Variants in BRINP1 observed in about 807,000 individuals in gnomAD.
BRINP1 encodes the protein BMP/retinoic acid-inducible neural-specific protein 1.
Under a neutral mutation model 72.9 loss-of-function variants are expected in BRINP1, and 17 were observed. The observed-to-expected ratio is 0.23, with a 90% CI of 0.16 to 0.35. The LOEUF is 0.35. Among genes scored for constraint, BRINP1 ranks in the 10% least tolerant of loss-of-function variants. The probability of loss-of-function intolerance (pLI) is 1.00; values close to 1 mark genes in which losing one functional copy is unlikely to be tolerated. For missense variants in BRINP1, 850 were observed against 1,001.6 expected (o/e 0.85, Z 2.04); for synonymous variants, 418 against 378.5 (o/e 1.10, Z -1.21).
intron 2 of BRINP1, among the ~76,000 whole-genome samples, chr9:119,255,513 G>A (rs182109774): frequency 4.5e-4 from 69 of 152,244 alleles, no homozygotes; most frequent in African/African-American, 1.4e-3. Context: ...TTATAAGTCC[G>A]AATCTTTCTT....
At chr9:119,243,098 C>A (rs1452390005) in intron 3 of BRINP1, among the ~76,000 whole-genome samples, 2 of 151,866 alleles carry the variant, frequency 1.3e-5, no homozygotes, top group Non-Finnish European at 2.9e-5. Context: ...GCAGGATGTG[C>A]AGTTTTGTTA....
chr9:119,238,527 T>A, intron 5 of BRINP1, 128 bp downstream of exon 5: 1 of 580,608 alleles, frequency 1.7e-6, no homozygotes. Context: ...ATTTGCAGTT[T>A]TCATTAGATT....
At chr9:119,352,417 G>T (rs754142095) in intron 1 of BRINP1, among the ~76,000 whole-genome samples, 1 of 152,046 alleles carries the variant, frequency 6.6e-6, no homozygotes, top group South Asian at 2.1e-4. Context: ...ATGATTCTAT[G>T]ATTTCTAAGA....
intron 2 of BRINP1, among the ~76,000 whole-genome samples, chr9:119,305,454 T>C (rs1830985917): frequency 1.3e-5 from 2 of 152,222 alleles, no homozygotes; most frequent in Non-Finnish European, 2.9e-5. Context: ...CTCTCCAACC[T>C]TATGCCCTAC....
chr9:119,181,469 T>A lies in BRINP1; in HGVS notation c.1146-13245A>T, dbSNP rs569080231. On this transcript the variant is annotated intron_variant, in intron 7 of 7. Transcript: ENST00000265922. The stretch of plus-strand genomic sequence containing the variant: ...ACCTGACCTCTTTGACCTTCAGTAT[T>A]CTTATCTGTCAAATGGGGAAGGTAA... Among the ~76,000 whole-genome samples, 149 of 152,326 alleles carry A rather than the reference T, an allele frequency of 9.8e-4. 2 individuals carry two copies. In the South Asian group the frequency reaches 0.028, roughly 29 times the overall value.
intron 7 of BRINP1, among the ~76,000 whole-genome samples, chr9:119,197,800 A>G (rs1829756134): frequency 6.6e-6 from 1 of 152,224 alleles, no homozygotes; most frequent in Non-Finnish European, 1.5e-5. Flanking sequence ...ATTTGCTATT[A>G]TTATATCTTC....
intron 7 of BRINP1, among the ~76,000 whole-genome samples, chr9:119,199,682 A>C (rs985306601): frequency 1.3e-5 from 2 of 152,210 alleles, no homozygotes; most frequent in Admixed American, 1.3e-4. Flanking sequence ...AAAAAAACCC[A>C]GGTGATAGCC....
intron 2 of BRINP1, among the ~76,000 whole-genome samples, chr9:119,259,123 G>C (rs1204645071): frequency 6.6e-6 from 1 of 152,170 alleles, no homozygotes; most frequent in Non-Finnish European, 1.5e-5. Context: ...CCTGGAAAGA[G>C]GATGCAAAAC....
chr9:119,311,189 T>C (rs549238282), intron 2 of BRINP1, among the ~76,000 whole-genome samples: 1 of 152,308 alleles, frequency 6.6e-6, no homozygotes, highest in African/African-American at 2.4e-5. Flanking sequence ...CTAAACATAG[T>C]GTTGAGTCTG....
chr9:119,258,999 G>A lies in BRINP1; in HGVS notation c.219-9849C>T, dbSNP rs567065100. Among the ~76,000 whole-genome samples the A allele has an allele frequency of 4.6e-5, 7 of 152,310 alleles. No individual in the cohort carries two copies. The East Asian group carries it at 1.4e-3, about 29-fold the overall frequency. ...TCTGCCCATTCTGGTGTCCCCATGT[G>A]AATGGGGGAAGTCATTGACTCTGGC... On this transcript the variant is annotated intron_variant, in intron 2 of 7. Coordinates refer to ENST00000265922, the MANE Select transcript of BRINP1 (RefSeq NM_014618.3).
At chr9:119,172,270 T>C (rs1268164528) in intron 7 of BRINP1, among the ~76,000 whole-genome samples, 6 of 151,858 alleles carry the variant, frequency 4.0e-5, no homozygotes, top group Admixed American at 2.6e-4. Flanking sequence ...AAGAATCAAA[T>C]AGACGCAATA....
intron 1 of BRINP1, among the ~76,000 whole-genome samples, chr9:119,341,129 C>T (rs1254086089): frequency 6.6e-6 from 1 of 152,112 alleles, no homozygotes; most frequent in Admixed American, 6.5e-5. Flanking sequence ...AACTGGATCT[C>T]TAAGTACATG....
At chr9:119,350,902 CT>C (rs796162745) in intron 1 of BRINP1, among the ~76,000 whole-genome samples, 748 of 141,848 alleles carry the variant, frequency 5.3e-3, no homozygotes, top group Non-Finnish European at 5.3e-3. Context: ...GTATTTATGT[CT>C]TTTTTTTTTT....
intron 4 of BRINP1, among the ~76,000 whole-genome samples, chr9:119,240,371 C>T (rs1164049588): frequency 6.6e-6 from 1 of 152,074 alleles, no homozygotes; most frequent in African/African-American, 2.4e-5. Context: ...AATCCAAGGG[C>T]CAAATTAAGT....
rs1829954539 is a variant in BRINP1, at chr9:119,214,032, G to C, written c.809C>G (p.Ala270Gly). Residue 270 changes from alanine to glycine, a missense_variant, in exon 6 of 8, where the codon GCC (alanine) becomes GGC (glycine). Physicochemically the swap from Ala to Gly is moderately conservative, Grantham distance 60. Coordinates refer to ENST00000265922, the MANE Select transcript of BRINP1 (RefSeq NM_014618.3). ...CQNSQCRCQC[A>G]EEFPQCNCPI... ...GCAGTTGCACTGCGGAAACTCCTCG[G>C]CACATTGGCAGCGACACTGGCTGTT... 2.5e-6 allele frequency: 4 copies of C among 1,613,936 alleles called. No homozygotes were observed. In the South Asian group the frequency reaches 3.3e-5, roughly 13 times the overall value.
intron 7 of BRINP1, among the ~76,000 whole-genome samples, chr9:119,195,448 G>A (rs1237646948): frequency 1.3e-5 from 2 of 152,160 alleles, no homozygotes; most frequent in African/African-American, 4.8e-5. Flanking sequence ...TTTGTAAACG[G>A]GGAGGCCGAC....
chr9:119,240,311 C>A (rs1830234477), intron 4 of BRINP1, among the ~76,000 whole-genome samples: 1 of 152,158 alleles, frequency 6.6e-6, no homozygotes, highest in East Asian at 1.9e-4. Context: ...AATAGTGAGA[C>A]AAGTTTTAGA....
chr9:119,209,906 G>C (rs76914396), intron 6 of BRINP1, among the ~76,000 whole-genome samples: 6,537 of 152,284 alleles, frequency 0.043, 464 homozygotes, highest in African/African-American at 0.15. Flanking sequence ...GTCCCATCTA[G>C]CATCAACTCA....
chr9:119,232,107 T>C (rs773646476), intron 5 of BRINP1, among the ~76,000 whole-genome samples: 5 of 152,178 alleles, frequency 3.3e-5, no homozygotes, highest in Non-Finnish European at 7.4e-5. Context: ...ATCATAGCAA[T>C]GTGACAATTC....
Sources: allele counts gnomAD v4.1 joint callset (sites outside exome capture counted in the v4.1 genomes callset), GRCh38; gene constraint gnomAD v4.1.1; transcripts MANE v1.5; gene names NCBI Gene and HGNC (gene_info 2026-07-23, HGNC 2026-07-21).